Variants in TBC1D19 observed in about 807,000 individuals in gnomAD.
TBC1D19 encodes the protein TBC1 domain family member 19.
A neutral mutation model predicts 89.0 loss-of-function variants in TBC1D19; 60 were observed. The ratio of observed to expected loss-of-function variants is 0.67; its 90% CI spans 0.55 to 0.84. The LOEUF is 0.84. Ranked by LOEUF, TBC1D19 falls within the 40% of genes least tolerant of loss-of-function variation. TBC1D19 has a pLI of 0.00. For synonymous variants in TBC1D19, 189 were observed against 199.7 expected (o/e 0.95, Z 0.45); for missense variants, 500 against 610.8 (o/e 0.82, Z 1.91).
intron 1 of TBC1D19, among the ~76,000 whole-genome samples, chr4:26,600,550 A>G (rs1740520471): frequency 6.6e-6 from 1 of 152,240 alleles, no homozygotes; most frequent in African/African-American, 2.4e-5. Context: ...AAGTTGAAAT[A>G]AAAGGTGGAA....
chr4:26,829,853 GGAA>G, the TBC1D19 span, among the ~76,000 whole-genome samples: 1 of 152,154 alleles, frequency 6.6e-6, no homozygotes, highest in African/African-American at 2.4e-5. Context: ...TTGCATTCCC[GGAA>G]TGACTTTAGT....
the TBC1D19 span, among the ~76,000 whole-genome samples, chr4:26,847,647 GTTTAAGGGTTT>G: frequency 6.6e-6 from 1 of 152,294 alleles, no homozygotes; most frequent in East Asian, 1.9e-4. Flanking sequence ...ACTCCAAGCT[GTTTAAGGGTTT>G]TAAAGAGAGA....
chr4:26,647,739 C>G (rs35232657), intron 7 of TBC1D19, among the ~76,000 whole-genome samples: 69,149 of 151,794 alleles, frequency 0.46, 17,505 homozygotes, highest in Admixed American at 0.6. Context: ...TTCCTCCCAG[C>G]TGAGTGTCTT....
At chr4:26,848,104 T>A in the TBC1D19 span, among the ~76,000 whole-genome samples, 1 of 152,224 alleles carries the variant, frequency 6.6e-6, no homozygotes, top group Admixed American at 6.5e-5. Flanking sequence ...GGCCACAAGG[T>A]GCCCAGATAT....
At chr4:26,845,724 A>C in the TBC1D19 span, among the ~76,000 whole-genome samples, 2 of 152,358 alleles carry the variant, frequency 1.3e-5, no homozygotes, top group Admixed American at 1.3e-4. Flanking sequence ...CCTCACAATC[A>C]TGGCAGAAGG....
chr4:26,739,867 C>T lies in TBC1D19; in HGVS notation c.1121C>T (p.Ala374Val). The change falls in exon 17 of 21, where the codon GCA becomes GTA. Residue 374 changes from alanine (A) to valine (V), a missense_variant. This residue lies in a region of TBC1D19 where 220 missense variants were observed against 319.1 expected (regional missense o/e 0.69). Coordinates refer to ENST00000264866, the MANE Select transcript of TBC1D19 (RefSeq NM_018317.4). ...IPFHGFSMYV[A>V]PLCFLYHEPS... ...TAAATTAATTTTTTTCTTTCAGTTGCACCACTTTGTTTTCTATACCATGAA... is the reference window on the plus strand; with the variant it reads ...TAAATTAATTTTTTTCTTTCAGTTGTACCACTTTGTTTTCTATACCATGAA... 2 of 1,547,530 alleles carry T rather than the reference C, an allele frequency of 1.3e-6. No individual in the cohort carries two copies. The highest frequency in any genetic ancestry group is 1.7e-6 in the Non-Finnish European group (2 of 1,149,350).
At chr4:26,763,338 A>C in the TBC1D19 span, among the ~76,000 whole-genome samples, 1 of 152,304 alleles carries the variant, frequency 6.6e-6, no homozygotes, top group Non-Finnish European at 1.5e-5. Context: ...ACAGACTTTA[A>C]GTCTGATGAG....
the TBC1D19 span, among the ~76,000 whole-genome samples, chr4:26,803,079 G>A: frequency 2.6e-5 from 4 of 152,146 alleles, no homozygotes; most frequent in Non-Finnish European, 5.9e-5. Context: ...CACATTGGAG[G>A]TTAGGGCTTC....
intron 9 of TBC1D19, among the ~76,000 whole-genome samples, chr4:26,668,607 A>G (rs535775166): frequency 2.6e-5 from 4 of 152,100 alleles, no homozygotes; most frequent in Non-Finnish European, 4.4e-5. Context: ...AAGGAGGCCA[A>G]TGACCTCTTA....
the TBC1D19 span, among the ~76,000 whole-genome samples, chr4:26,762,478 G>A: frequency 1.3e-5 from 2 of 152,132 alleles, no homozygotes; most frequent in African/African-American, 4.8e-5. Flanking sequence ...GTATTTGTGT[G>A]ATTGCTTTTT....
the TBC1D19 span, among the ~76,000 whole-genome samples, chr4:26,840,007 AT>A: frequency 3.2e-4 from 47 of 148,346 alleles, no homozygotes; most frequent in South Asian, 6.4e-4. Context: ...AAATATTTTG[AT>A]TTTTTTTTTT....
chr4:26,645,768 T>C (rs944729716), intron 7 of TBC1D19, among the ~76,000 whole-genome samples: 2 of 151,884 alleles, frequency 1.3e-5, no homozygotes, highest in African/African-American at 4.8e-5. Flanking sequence ...TGACATAGGG[T>C]TAATATCCAG....
the TBC1D19 span, among the ~76,000 whole-genome samples, chr4:26,784,413 T>A: frequency 6.6e-6 from 1 of 152,218 alleles, no homozygotes; most frequent in East Asian, 1.9e-4. Flanking sequence ...GTCAGCCTCT[T>A]ATCTCTCAGG....
chr4:26,648,983 A>G (rs1228180681), intron 7 of TBC1D19, among the ~76,000 whole-genome samples: 1 of 151,982 alleles, frequency 6.6e-6, no homozygotes, highest in Non-Finnish European at 1.5e-5. Context: ...TACAGTTTCT[A>G]CATTTCTAAT....
intron 1 of TBC1D19, among the ~76,000 whole-genome samples, chr4:26,590,708 A>C (rs752270269): frequency 6.8e-6 from 1 of 146,600 alleles, no homozygotes; most frequent in Non-Finnish European, 1.5e-5. Context: ...AGTGTGGTAC[A>C]TTTGTTTCAG....
chr4:26,804,270 C>T, the TBC1D19 span, among the ~76,000 whole-genome samples: 3,240 of 152,148 alleles, frequency 0.021, 114 homozygotes, highest in African/African-American at 0.069. Context: ...CTCAGCCTCC[C>T]GAGTAGCTGG....
In TBC1D19 at chr4:26,740,599, C is replaced by T; in HGVS notation, c.1227+626C>T. 3 of 948,808 alleles carry T rather than the reference C, an allele frequency of 3.2e-6. No homozygotes were observed. In the African/African-American group the frequency reaches 5.3e-5, roughly 17 times the overall value. The allele number at this position is 948,808 out of a possible 1,614,324, so 58.8% of individuals were successfully genotyped here. On this transcript the variant is annotated intron_variant, in intron 17 of 20. Coordinates refer to ENST00000264866, the MANE Select transcript of TBC1D19 (RefSeq NM_018317.4). Reference sequence around the variant, plus strand: ...TAGGAGTTGAACATTTTAATCTGTTCTCTTTTGGCTGTTCCTTTATCATAT... The same window carrying T: ...TAGGAGTTGAACATTTTAATCTGTTTTCTTTTGGCTGTTCCTTTATCATAT...
At chr4:26,603,088 A>G (rs986169182) in intron 1 of TBC1D19, among the ~76,000 whole-genome samples, 1 of 152,194 alleles carries the variant, frequency 6.6e-6, no homozygotes, top group Admixed American at 6.5e-5. Context: ...CAAAAATGGC[A>G]AAGTGAGCCT....
chr4:26,822,911 A>C, the TBC1D19 span, among the ~76,000 whole-genome samples: 1 of 152,106 alleles, frequency 6.6e-6, no homozygotes, highest in Non-Finnish European at 1.5e-5. Flanking sequence ...CCCCACCTTG[A>C]TTTTCCTTGG....
Sources: allele counts gnomAD v4.1 joint callset (sites outside exome capture counted in the v4.1 genomes callset), GRCh38; gene constraint gnomAD v4.1.1; regional missense constraint gnomAD v4.1.1; transcripts MANE v1.5; gene names NCBI Gene and HGNC (gene_info 2026-07-23, HGNC 2026-07-21).